The following MTUS1 variants were observed in gnomAD, a reference collection of about 807,000 sequenced individuals.
The protein encoded by MTUS1 is microtubule associated scaffold protein 1.
In MTUS1, 109 loss-of-function variants were observed where a neutral mutation model predicts 120.8. The ratio of observed to expected loss-of-function variants is 0.90; its 90% CI spans 0.77 to 1.06. The LOEUF (loss-of-function observed/expected upper bound fraction) is 1.06. MTUS1 is among the 50% of genes least tolerant of loss of function. The pLI is 0.00. For synonymous variants in MTUS1, 737 were observed against 550.5 expected, an observed-to-expected ratio of 1.34 and a Z score of -4.74; for missense variants, 2,210 against 1,486.3, an observed-to-expected ratio of 1.49 and a Z score of -8.01.
chr8:17,750,512 A>G (rs1272565193), intron 2 of MTUS1, among the ~76,000 whole-genome samples: 1 of 152,212 alleles, frequency 6.6e-6, no homozygotes, highest in Non-Finnish European at 1.5e-5. Flanking sequence ...TTGAAACCGT[A>G]TGGTGTATGG....
chr8:17,719,143 C>T (rs1055404076), intron 4 of MTUS1, among the ~76,000 whole-genome samples: 28 of 151,730 alleles, frequency 1.8e-4, no homozygotes, highest in Non-Finnish European at 1.5e-5. Flanking sequence ...GCACTCCAGC[C>T]TGGGCAACAG....
chr8:17,748,504 C>G (rs2047939254), intron 2 of MTUS1, among the ~76,000 whole-genome samples: 1 of 152,200 alleles, frequency 6.6e-6, no homozygotes, highest in South Asian at 2.1e-4. Flanking sequence ...CTGCCCCACA[C>G]AGTGAGGCAA....
rs369758225 is a variant in MTUS1, at chr8:17,715,890, C to T, written c.2461G>A (p.Ala821Thr). Residue 821 changes from alanine (A) to threonine (T), a missense_variant, in exon 5 of 15, where the codon GCT becomes ACT. By Grantham distance (58) the Ala-to-Thr change is moderately conservative. Coordinates refer to ENST00000693296, the MANE Select transcript of MTUS1 (RefSeq NM_001363059.2). ...STYSNNSGNA[A>T]VIKYEEKPPK... Reference sequence around the variant, plus strand: ...GGTTTCTCCTCATATTTGATGACAGCGGCATTACCAGCTGTAATAAAACAG... The same window carrying T: ...GGTTTCTCCTCATATTTGATGACAGTGGCATTACCAGCTGTAATAAAACAG... The T allele has an allele frequency of 4.7e-5, 75 of 1,610,990 alleles. No individual in the cohort carries two copies. The highest frequency in any genetic ancestry group is 5.8e-5 in the Non-Finnish European group (68 of 1,179,254).
chr8:17,659,689 T>C (rs182963924), intron 8 of MTUS1, among the ~76,000 whole-genome samples: 1 of 152,148 alleles, frequency 6.6e-6, no homozygotes, highest in East Asian at 1.9e-4. Flanking sequence ...AGGGAAAGAC[T>C]TCATCTCAAA....
Position 17,723,801 on chromosome 8 carries a change from A to C in MTUS1, c.2320T>G (p.Ser774Ala). ...KPTSLKTAQS[S>A]WVNLPRPLPK... The stretch of plus-strand genomic sequence containing the variant: ...AGTGGTCTAGGCAAATTCACCCATG[A>C]CGACTGTGCAGTTTTCAAGGATGTA... Residue 774 changes from serine to alanine, a missense_variant, in exon 4 of 15, where the codon TCA becomes GCA. Physicochemically the swap from Ser to Ala is moderately conservative, Grantham distance 99 (BLOSUM62 1). Coordinates refer to ENST00000693296, the MANE Select transcript of MTUS1 (RefSeq NM_001363059.2). 1.2e-6 allele frequency: 2 copies of C among 1,603,350 alleles called. No homozygotes were observed. The highest frequency in any genetic ancestry group is 1.7e-6 in the Non-Finnish European group (2 of 1,174,328).
intron 1 of MTUS1, among the ~76,000 whole-genome samples, chr8:17,774,661 G>C (rs374517024): frequency 6.6e-6 from 1 of 152,146 alleles, no homozygotes; most frequent in African/African-American, 2.4e-5. Context: ...TGGTGCAGCA[G>C]CTATGGAAAA....
chr8:17,740,901 T>G (rs2047271521), intron 3 of MTUS1, among the ~76,000 whole-genome samples: 2 of 152,310 alleles, frequency 1.3e-5, no homozygotes, highest in South Asian at 4.1e-4. Context: ...GTTTCGCTCT[T>G]GCTACCCAGG....
At chr8:17,647,892 C>T (rs2130015385) in intron 13 of MTUS1, among the ~76,000 whole-genome samples, 1 of 152,298 alleles carries the variant, frequency 6.6e-6, no homozygotes. Context: ...GTCCTTGTAG[C>T]AGGACTAACG....
rs529075876 is a variant in MTUS1, at chr8:17,711,780, T to C, written c.2623+1434A>G. Among the ~76,000 whole-genome samples, 484 of 152,336 alleles carry C rather than the reference T, an allele frequency of 3.2e-3. 3 individuals carry two copies. Among genetic ancestry groups the C allele is most frequent in the African/African-American group, 0.011 (461 of 41,572 alleles). ...AAACTCAATCATTTCTATCTTTTGATTTAAAGTGAGAGACATGCAACTTTT... is the reference window on the plus strand; with the variant it reads ...AAACTCAATCATTTCTATCTTTTGACTTAAAGTGAGAGACATGCAACTTTT... On this transcript the variant is annotated intron_variant, in intron 6 of 14. Coordinates refer to ENST00000693296, the MANE Select transcript of MTUS1 (RefSeq NM_001363059.2).
At chr8:17,768,459 A>G (rs1203844591) in intron 1 of MTUS1, among the ~76,000 whole-genome samples, 2 of 152,166 alleles carry the variant, frequency 1.3e-5, no homozygotes, top group Non-Finnish European at 2.9e-5. Flanking sequence ...TAAAACACAC[A>G]CATTTAAGAC....
chr8:17,684,069 A>G (rs1815204527), intron 7 of MTUS1, among the ~76,000 whole-genome samples: 1 of 152,224 alleles, frequency 6.6e-6, no homozygotes, highest in Non-Finnish European at 1.5e-5. Flanking sequence ...CCGGCGTAAG[A>G]GGCAATTATG....
chr8:17,717,123 CCTAAT>C (rs1342809003), intron 4 of MTUS1, among the ~76,000 whole-genome samples: 1 of 152,174 alleles, frequency 6.6e-6, no homozygotes, highest in East Asian at 1.9e-4. Context: ...ATTATTTTCC[CCTAAT>C]CCACACCCAG....
At chr8:17,683,757 A>G (rs1467058167) in intron 7 of MTUS1, among the ~76,000 whole-genome samples, 2 of 152,254 alleles carry the variant, frequency 1.3e-5, no homozygotes, top group African/African-American at 4.8e-5. Context: ...GGTTTTCTCA[A>G]TGAATTTTAG....
rs1281175625 is a variant in MTUS1, at chr8:17,754,708, G to A, written c.1100C>T (p.Pro367Leu). ...FDKSEAQVLN[P>L]EHKVTETEDT... ...TTCAGTCTCAGTGACTTTATGCTCT[G>A]GGTTCAGCACTTGAGCTTCGCTCTT... Residue 367 changes from proline (P) to leucine (L), a missense_variant, in exon 2 of 15, where the codon CCA (proline) becomes CTA (leucine). Transcript: ENST00000693296. 3.1e-6 allele frequency: 5 copies of A among 1,614,080 alleles called. No homozygotes were observed. Among genetic ancestry groups the A allele is most frequent in the Admixed American group, 1.7e-5 (1 of 60,002 alleles).
At chr8:17,676,760 T>C (rs17633488) in intron 7 of MTUS1, among the ~76,000 whole-genome samples, 7,622 of 152,192 alleles carry the variant, frequency 0.05, 375 homozygotes, top group South Asian at 0.15. Context: ...CACTTACTAA[T>C]AGAAAAGGGA....
At chr8:17,728,498 C>G (rs1304754197) in intron 3 of MTUS1, among the ~76,000 whole-genome samples, 1 of 152,212 alleles carries the variant, frequency 6.6e-6, no homozygotes, top group African/African-American at 2.4e-5. Flanking sequence ...AAGGCAAGTG[C>G]AAGTAATCAC....
At chr8:17,788,080 C>G (rs925851106) in intron 1 of MTUS1, among the ~76,000 whole-genome samples, 7 of 152,154 alleles carry the variant, frequency 4.6e-5, no homozygotes, top group African/African-American at 1.4e-4. Context: ...GAGATCGTGC[C>G]CTTGCACTCC....
chr8:17,708,464 C>T (rs185921762), intron 6 of MTUS1, among the ~76,000 whole-genome samples: 2 of 152,284 alleles, frequency 1.3e-5, no homozygotes, highest in East Asian at 3.9e-4. Flanking sequence ...GTTGACAAGG[C>T]TGTGGAGAAA....
At chr8:17,796,045 A>C (rs2052200304) in intron 1 of MTUS1, among the ~76,000 whole-genome samples, 1 of 151,306 alleles carries the variant, frequency 6.6e-6, no homozygotes, top group African/African-American at 2.4e-5. Flanking sequence ...CGCCTCCTGG[A>C]TTCAAGGAAT....
Sources: gnomAD v4.1 joint callset for allele counts (sites outside exome capture counted in the v4.1 genomes callset) on GRCh38, gnomAD v4.1.1 for gene constraint, MANE v1.5 for transcripts, NCBI Gene and HGNC (gene_info 2026-07-23, HGNC 2026-07-21) for gene names.